Variants in SGCZ observed in about 807,000 individuals in gnomAD.
SGCZ encodes the protein zeta-sarcoglycan.
In SGCZ, 40 loss-of-function variants were observed where a neutral mutation model predicts 41.3. The observed-to-expected ratio is 0.97, with a 90% confidence interval of 0.75 to 1.26. The LOEUF (loss-of-function observed/expected upper bound fraction) is 1.26, where lower values mean the gene tolerates loss of function less well. Ranked by LOEUF, SGCZ falls within the 50% of genes most tolerant of loss-of-function variation. The probability of loss-of-function intolerance (pLI) is 0.00; values close to 1 mark genes in which losing one functional copy is unlikely to be tolerated. For missense variants in SGCZ, 552 were observed against 369.8 expected (o/e 1.49, Z -4.04); for synonymous variants, 206 against 137.5 (o/e 1.50, Z -3.49).
chr8:14,827,709 G>A (rs577203461), intron 1 of SGCZ, among the ~76,000 whole-genome samples: 1 of 152,096 alleles, frequency 6.6e-6, no homozygotes, highest in Non-Finnish European at 1.5e-5. Flanking sequence ...TTTACAGAAA[G>A]CATTTGCCAA....
chr8:14,616,289 A>AT (rs1050431125), intron 1 of SGCZ, among the ~76,000 whole-genome samples: 1 of 151,652 alleles, frequency 6.6e-6, no homozygotes, highest in Non-Finnish European at 1.5e-5. Context: ...TCTCAAAAAA[A>AT]AAAAAGAAAA....
At chr8:14,569,543 T>C (rs984900641) in intron 1 of SGCZ, among the ~76,000 whole-genome samples, 5 of 152,198 alleles carry the variant, frequency 3.3e-5, no homozygotes, top group Admixed American at 3.3e-4. Flanking sequence ...CTAGAAGCTA[T>C]GGATAGAATA....
intron 4 of SGCZ, among the ~76,000 whole-genome samples, chr8:14,202,147 T>C (rs1805475284): frequency 6.6e-6 from 1 of 152,054 alleles, no homozygotes; most frequent in Admixed American, 6.6e-5. Flanking sequence ...GTCCTTAGGA[T>C]TTGAAGAGGG....
chr8:15,158,820 C>G (rs1433733075), intron 1 of SGCZ, among the ~76,000 whole-genome samples: 1 of 152,154 alleles, frequency 6.6e-6, no homozygotes, highest in East Asian at 1.9e-4. Flanking sequence ...AAGATCTAGA[C>G]AGGGAGAAAG....
At chr8:14,664,344 G>C (rs7827059) in intron 1 of SGCZ, among the ~76,000 whole-genome samples, 1 of 151,994 alleles carries the variant, frequency 6.6e-6, no homozygotes, top group Non-Finnish European at 1.5e-5. Context: ...TCTCTAACTA[G>C]AATTATGTTA....
chr8:14,693,711 C>A (rs1245253379), intron 1 of SGCZ, among the ~76,000 whole-genome samples: 1 of 151,544 alleles, frequency 6.6e-6, no homozygotes, highest in Non-Finnish European at 1.5e-5. Flanking sequence ...CTCCCTCAGC[C>A]CCCCAAGTAG....
chr8:14,879,915 A>G (rs1006551160), intron 1 of SGCZ: 1 of 151,370 alleles, frequency 6.6e-6, no homozygotes, highest in African/African-American at 2.4e-5. Context: ...TTCTCAGCTC[A>G]CTGCACCTCC....
At chr8:14,194,892 A>ATGAT (rs1805216471) in intron 4 of SGCZ, among the ~76,000 whole-genome samples, 1 of 152,062 alleles carries the variant, frequency 6.6e-6, no homozygotes, top group Non-Finnish European at 1.5e-5. Flanking sequence ...ATAATGAGGA[A>ATGAT]TGATTAGCTT....
intron 1 of SGCZ, among the ~76,000 whole-genome samples, chr8:15,012,566 TAA>T (rs1802866906): frequency 8.4e-6 from 1 of 119,204 alleles, no homozygotes; most frequent in African/African-American, 2.7e-5. Context: ...ATATAACATA[TAA>T]ATATATATTT....
chr8:14,135,414 T>A (rs926973345), intron 5 of SGCZ, among the ~76,000 whole-genome samples: 2 of 152,212 alleles, frequency 1.3e-5, no homozygotes, highest in African/African-American at 4.8e-5. Flanking sequence ...GGGAAAATAC[T>A]GGAGAGTTAT....
At chr8:14,879,478 T>C (rs896213533) in intron 1 of SGCZ, among the ~76,000 whole-genome samples, 2 of 152,048 alleles carry the variant, frequency 1.3e-5, no homozygotes, top group African/African-American at 2.4e-5. Context: ...ATTTTAAAAT[T>C]GACACTCTTG....
intron 3 of SGCZ, among the ~76,000 whole-genome samples, chr8:14,319,734 G>C (rs1801855333): frequency 6.6e-6 from 1 of 151,950 alleles, no homozygotes; most frequent in African/African-American, 2.4e-5. Context: ...TATGAATTCT[G>C]ACAAAGTTAA....
At chr8:14,541,317 C>T (rs1255124666) in intron 2 of SGCZ, among the ~76,000 whole-genome samples, 1 of 151,826 alleles carries the variant, frequency 6.6e-6, no homozygotes, top group African/African-American at 2.4e-5. Context: ...CCACGCCCGG[C>T]AGGCCTTGAT....
chr8:14,279,185 AGCAAGGGG>A (rs1317098883), intron 3 of SGCZ, among the ~76,000 whole-genome samples: 1 of 151,804 alleles, frequency 6.6e-6, no homozygotes, highest in Non-Finnish European at 1.5e-5. Context: ...GTCCCTGAGG[AGCAAGGGG>A]GGAAAGGGGA....
chr8:14,462,904 G>T (rs942409209), intron 2 of SGCZ, among the ~76,000 whole-genome samples: 2 of 151,246 alleles, frequency 1.3e-5, no homozygotes, highest in Non-Finnish European at 3.0e-5. Context: ...TTGTACAAAT[G>T]TATCACCTCC....
intron 1 of SGCZ, among the ~76,000 whole-genome samples, chr8:14,596,207 T>C (rs1805408471): frequency 6.6e-6 from 1 of 152,204 alleles, no homozygotes; most frequent in Non-Finnish European, 1.5e-5. Context: ...TGCAACCCTT[T>C]ATGACTGTCT....
intron 5 of SGCZ, among the ~76,000 whole-genome samples, chr8:14,156,549 T>C (rs1042195104): frequency 1.3e-5 from 2 of 152,218 alleles, no homozygotes; most frequent in Non-Finnish European, 2.9e-5. Flanking sequence ...TAATATTATG[T>C]AATTTTTAAA....
intron 2 of SGCZ, among the ~76,000 whole-genome samples, chr8:14,378,248 T>A (rs1384974513): frequency 6.6e-6 from 1 of 151,716 alleles, no homozygotes; most frequent in Non-Finnish European, 1.5e-5. Flanking sequence ...GGTATCTCAT[T>A]GTGGTTTTGA....
chr8:14,938,603 C>T (rs543488323), intron 1 of SGCZ, among the ~76,000 whole-genome samples: 2 of 152,200 alleles, frequency 1.3e-5, no homozygotes, highest in Non-Finnish European at 2.9e-5. Context: ...TTCTAGTCAA[C>T]AGTATGCTAT....
Sources: gnomAD v4.1 joint callset for allele counts (sites outside exome capture counted in the v4.1 genomes callset) on GRCh38, gnomAD v4.1.1 for gene constraint, MANE v1.5 for transcripts, NCBI Gene and HGNC (gene_info 2026-07-23, HGNC 2026-07-21) for gene names.